Variants in PUS7L observed in about 807,000 individuals in gnomAD.
The protein encoded by PUS7L is pseudouridylate synthase PUS7L.
PUS7L carries 49 observed loss-of-function variants against 51.1 expected under a neutral mutation model. That is an observed-to-expected ratio of 0.96 (90% CI 0.76 to 1.22). The LOEUF (loss-of-function observed/expected upper bound fraction) is 1.22. PUS7L is among the 50% of genes most tolerant of loss of function. The probability of loss-of-function intolerance (pLI) is 0.00; values close to 1 mark genes in which losing one functional copy is unlikely to be tolerated. For synonymous variants in PUS7L, 277 were observed against 276.2 expected, an observed-to-expected ratio of 1.00 and a Z score of -0.03; for missense variants, 828 against 820.6, an observed-to-expected ratio of 1.01 and a Z score of -0.11.
At chr12:43,745,826 C>T (rs1241523777) in intron 4 of PUS7L, among the ~76,000 whole-genome samples, 2 of 150,780 alleles carry the variant, frequency 1.3e-5, no homozygotes, top group African/African-American at 2.4e-5. Context: ...TTTTTAAAAT[C>T]ATGTTTACAT....
At chr12:43,731,822 A>G (rs369554514) in intron 7 of PUS7L, 64 bp from the exon 8 acceptor site, 67 of 937,962 alleles carry the variant, frequency 7.1e-5, no homozygotes, top group South Asian at 4.2e-4. Context: ...ACCACTTTCA[A>G]TTTTCCCTAA....
chr12:43,737,524 A>G (rs1013094138), intron 6 of PUS7L, among the ~76,000 whole-genome samples: 1 of 151,468 alleles, frequency 6.6e-6, no homozygotes, highest in Non-Finnish European at 1.5e-5. Flanking sequence ...CAGATATCTG[A>G]ATGAATCTGA....
intron 4 of PUS7L, among the ~76,000 whole-genome samples, chr12:43,742,949 G>A (rs969167102): frequency 6.6e-6 from 1 of 152,166 alleles, no homozygotes; most frequent in Non-Finnish European, 1.5e-5. Context: ...GCTGTCTGGA[G>A]ATGTCGGGAG....
chr12:43,743,905 G>C (rs1938036432), intron 4 of PUS7L, among the ~76,000 whole-genome samples: 1 of 152,098 alleles, frequency 6.6e-6, no homozygotes, highest in South Asian at 2.1e-4. Context: ...ACCCTTCAAA[G>C]TACTTAGATA....
At position 43,755,216 on chromosome 12, in the gene PUS7L, C is replaced by T. The variant is rs148928799; in HGVS notation, c.30G>A (p.Arg10=). The T allele has an allele frequency of 7.8e-5, 125 of 1,605,382 alleles. No homozygotes were observed. In the Middle Eastern group the frequency reaches 2.8e-3, roughly 36 times the overall value. Residue 10 remains arginine, a synonymous_variant, in exon 2 of 9, where the codon AGG becomes AGA. Transcript: ENST00000344862. MEEDTDYRI[R]FSSLCFFNDH... is the part of the protein sequence containing the mutation. ...CATTAAAGAAACACAAAGAACTAAA[C>T]CTGATTCTATAATCTGTATCTTCTT... is the stretch of plus-strand genomic sequence containing the variant.
In PUS7L at chr12:43,720,147, T is replaced by C. The variant is rs1171862429; in HGVS notation, c.*10229A>G. On this transcript the variant is annotated 3_prime_UTR_variant, in exon 9 of 9. Coordinates refer to ENST00000344862, the MANE Select transcript of PUS7L (RefSeq NM_031292.5). ...TTTTGATGTGTAGTATGGTTTAATA[T>C]CATTGACTTAAAAATATTTTCTAAT... is the stretch of plus-strand genomic sequence containing the variant. 1 of 152,220 alleles carries C rather than the reference T, an allele frequency of 6.6e-6. No individual in the cohort carries two copies. The highest frequency in any genetic ancestry group is 6.5e-5 in the Admixed American group (1 of 15,284). 9.4% of individuals were successfully genotyped at this position (152,220 alleles called of 1,614,324 possible).
rs142301551 is a variant in PUS7L at position 43,742,992 on chromosome 12, T to C, written c.1264-437A>G. ...CAGGCTCACTTTCAAACCCCACATATCCTGGCTCTTTTCTACATAACGTTC... is the reference window on the plus strand; with the variant it reads ...CAGGCTCACTTTCAAACCCCACATACCCTGGCTCTTTTCTACATAACGTTC... On this transcript the variant is annotated intron_variant, in intron 4 of 8. Coordinates refer to ENST00000344862, the MANE Select transcript of PUS7L (RefSeq NM_031292.5). 1.0e-3 allele frequency among the ~76,000 whole-genome samples: 153 copies of C among 152,290 alleles called. 1 individual carries two copies. Among genetic ancestry groups the C allele is most frequent in the African/African-American group, 3.4e-3 (142 of 41,576 alleles).
intron 1 of PUS7L, among the ~76,000 whole-genome samples, chr12:43,756,399 CTA>C (rs1420294546): frequency 1.3e-5 from 2 of 152,152 alleles, no homozygotes; most frequent in African/African-American, 2.4e-5. Context: ...AAATATTGGT[CTA>C]TGTTTGTCAC....
intron 2 of PUS7L, among the ~76,000 whole-genome samples, chr12:43,749,896 G>A (rs1167405016): frequency 6.6e-6 from 1 of 152,144 alleles, no homozygotes; most frequent in Non-Finnish European, 1.5e-5. Flanking sequence ...TCTATAAGAG[G>A]TAGGAGGGAG....
Position 43,730,527 on chromosome 12 carries a change from G to A in PUS7L, c.1955C>T (p.Ser652Leu), listed in dbSNP as rs758688617. Residue 652 changes from serine (S) to leucine (L), a missense_variant, in exon 9 of 9, where the codon TCA becomes TTA. By Grantham distance (145) the Ser-to-Leu change is moderately radical. Coordinates refer to ENST00000344862, the MANE Select transcript of PUS7L (RefSeq NM_031292.5). ...RQILKHPCNL[S>L]YQLMEDHDID... Reference sequence around the variant, plus strand: ...GTCATGATCTTCCATTAGTTGGTATGAGAGATTACAGGGATGTTTCAAAAT... The same window carrying A: ...GTCATGATCTTCCATTAGTTGGTATAAGAGATTACAGGGATGTTTCAAAAT... 13 of 1,613,762 alleles carry A rather than the reference G, an allele frequency of 8.1e-6. No individual in the cohort carries two copies. In the Admixed American group the frequency reaches 1.8e-4, roughly 23 times the overall value.
chr12:43,741,566 T>C lies in PUS7L; in HGVS notation c.1362+891A>G, dbSNP rs188542064. Among the ~76,000 whole-genome samples, 25 of 152,354 alleles carry C rather than the reference T, an allele frequency of 1.6e-4. No individual in the cohort carries two copies. The East Asian group carries it at 3.3e-3, about 20-fold the overall frequency. On this transcript the variant is annotated intron_variant, in intron 5 of 8. Transcript: ENST00000344862. Reference sequence around the variant, plus strand: ...CTGTATGACAAAATTTTAAACATTTTACAAGTTAATTTTCAGAGTTTTCTA... The same window carrying C: ...CTGTATGACAAAATTTTAAACATTTCACAAGTTAATTTTCAGAGTTTTCTA...
At chr12:43,748,690 A>T in intron 2 of PUS7L, 81 bp from the exon 3 acceptor site, 1 of 1,085,218 alleles carries the variant, frequency 9.2e-7, no homozygotes, top group Non-Finnish European at 1.3e-6. Context: ...GATTAGTATA[A>T]TAAATCAAAC....
At chr12:43,753,877 C>T (rs1045622201) in intron 2 of PUS7L, among the ~76,000 whole-genome samples, 4 of 152,126 alleles carry the variant, frequency 2.6e-5, no homozygotes, top group African/African-American at 9.7e-5. Flanking sequence ...TTCAGGTTCC[C>T]TACCTTGGGT....
chr12:43,730,678 T>TTA lies in PUS7L; in HGVS notation c.1803_1804insTA (p.Asn602Ter). 1 of 1,606,516 alleles carries TTA rather than the reference T, an allele frequency of 6.2e-7. No individual in the cohort carries two copies. The highest frequency in any genetic ancestry group is 8.5e-7 in the Non-Finnish European group (1 of 1,174,064). On this transcript the variant is annotated frameshift_variant, in exon 9 of 9. Coordinates refer to ENST00000344862, the MANE Select transcript of PUS7L (RefSeq NM_031292.5). LOFTEE classifies it low-confidence loss of function (END_TRUNC). ...ACTTTGTTCTTCGGGTACTGAATAT[T>TTA]GTATCCAAGTACTGGAAGAACCACC...
rs772349068 is a variant in PUS7L, at chr12:43,729,052, T to C, written c.*1324A>G. 27 of 386,814 alleles carry C rather than the reference T, an allele frequency of 7.0e-5. No homozygotes were observed. Among genetic ancestry groups the C allele is most frequent in the Non-Finnish European group, 1.1e-4 (25 of 218,426 alleles). 24.0% of individuals were successfully genotyped at this position (386,814 alleles called of 1,614,324 possible). Reference sequence around the variant, plus strand: ...TATTATTGCAGTTGTAACATATGTGTTCTACTTTTAGGGGGCAACATTTTC... The same window carrying C: ...TATTATTGCAGTTGTAACATATGTGCTCTACTTTTAGGGGGCAACATTTTC... On this transcript the variant is annotated 3_prime_UTR_variant, in exon 9 of 9. Transcript: ENST00000344862.
chr12:43,741,420 G>A (rs1395186892), intron 5 of PUS7L, among the ~76,000 whole-genome samples: 1 of 152,294 alleles, frequency 6.6e-6, no homozygotes. Flanking sequence ...GGAAACTGAG[G>A]CTTGGAAAAG....
chr12:43,737,663 C>T (rs1937676345), intron 6 of PUS7L, among the ~76,000 whole-genome samples: 1 of 151,776 alleles, frequency 6.6e-6, no homozygotes, highest in Non-Finnish European at 1.5e-5. Flanking sequence ...AAGGGCATAT[C>T]TAAATCTCAT....
intron 7 of PUS7L, among the ~76,000 whole-genome samples, chr12:43,733,921 G>A (rs370427144): frequency 4.6e-5 from 7 of 151,914 alleles, no homozygotes; most frequent in Non-Finnish European, 8.8e-5. Context: ...TTTCCTATTA[G>A]GTTGGAGCAC....
Position 43,755,151 on chromosome 12 carries a change from C to G in PUS7L, c.95G>C (p.Ser32Thr), listed in dbSNP as rs776729445. Residue 32 changes from serine (S) to threonine (T), a missense_variant, in exon 2 of 9, where the codon AGT (serine) becomes ACT (threonine). Ser to Thr is a moderately conservative substitution (Grantham distance 58). Coordinates refer to ENST00000344862, the MANE Select transcript of PUS7L (RefSeq NM_031292.5). ...ATCAATTTCAATAACAATAAAGTCACTTGGTGAGCTTTTTATAGTGCCATG... is the reference window on the plus strand; with the variant it reads ...ATCAATTTCAATAACAATAAAGTCAGTTGGTGAGCTTTTTATAGTGCCATG... ...GFHGTIKSSP[S>T]DFIVIEIDEQ... 13 of 1,613,318 alleles carry G rather than the reference C, an allele frequency of 8.1e-6. No individual in the cohort carries two copies. The highest frequency in any genetic ancestry group is 3.3e-4 in the Middle Eastern group (2 of 6,054).
Sources: allele counts gnomAD v4.1 joint callset (sites outside exome capture counted in the v4.1 genomes callset), GRCh38; gene constraint gnomAD v4.1.1; transcripts MANE v1.5; gene names NCBI Gene and HGNC (gene_info 2026-07-23, HGNC 2026-07-21).